The following NLRP11 variants were observed in gnomAD, a reference collection of about 807,000 sequenced individuals.
NLRP11 encodes NLR family pyrin domain containing 11, also known as NACHT, LRR and PYD domains-containing protein 11.
Under a neutral mutation model 79.3 loss-of-function variants are expected in NLRP11, and 53 were observed. The observed-to-expected ratio is 0.67, with a 90% confidence interval of 0.54 to 0.84. The LOEUF is 0.84. Ranked by LOEUF, NLRP11 falls within the 40% of genes least tolerant of loss-of-function variation. The pLI is 0.00. For synonymous variants in NLRP11, 518 were observed against 462.6 expected, an observed-to-expected ratio of 1.12 and a Z score of -1.54; for missense variants, 1,264 against 1,255.0, an observed-to-expected ratio of 1.01 and a Z score of -0.11.
At position 55,808,029 on chromosome 19, in the gene NLRP11, A is replaced by C. The variant is rs1020962371; in HGVS notation, c.1842-15T>G. 7.0e-6 allele frequency: 11 copies of C among 1,561,336 alleles called. No individual in the cohort carries two copies. Among genetic ancestry groups the C allele is most frequent in the Admixed American group, 6.1e-5 (3 of 49,398 alleles). On this transcript the variant is annotated splice_polypyrimidine_tract_variant and intron_variant, in intron 3 of 9. Transcript: ENST00000589093. ...TCTTCATTTGACTACATAGAAGAAA[A>C]ATTGAGTTTTCCAATGGAATCGATT...
At position 55,809,191 on chromosome 19, in the gene NLRP11, T is replaced by C; in HGVS notation, c.1419A>G (p.Ser473=). 1.2e-6 allele frequency: 2 copies of C among 1,613,574 alleles called. No homozygotes were observed. Among genetic ancestry groups the C allele is most frequent in the Non-Finnish European group, 1.7e-6 (2 of 1,179,476 alleles). ...TCTTCTCTTTATACTCTCTGCTGCC[T>C]GAGGGGATCAGATAGTTGGGTACTG... is the stretch of plus-strand genomic sequence containing the variant. Residue 473 remains serine, a synonymous_variant, in exon 3 of 10, where the codon TCA becomes TCG. Coordinates refer to ENST00000589093, the Ensembl canonical transcript of NLRP11. The surrounding 1 kb of genome is among the most constrained non-coding windows in gnomAD (Gnocchi z 4.5).
chr19:55,812,596 G>GT (rs1324793165), intron 2 of NLRP11, among the ~76,000 whole-genome samples: 7 of 152,184 alleles, frequency 4.6e-5, no homozygotes, highest in Non-Finnish European at 8.8e-5. Flanking sequence ...CAAACGGTAA[G>GT]TGTGGGTGAA....
intron 4 of NLRP11, among the ~76,000 whole-genome samples, chr19:55,805,695 A>G (rs890596729): frequency 3.3e-5 from 5 of 151,916 alleles, no homozygotes; most frequent in Non-Finnish European, 7.4e-5. Flanking sequence ...GCATGCCGCC[A>G]CACCCGGCTA....
At chr19:55,833,254 T>C (rs302472), upstream of NLRP11, among the ~76,000 whole-genome samples, 56,611 of 151,994 alleles carry the variant, frequency 0.37, 10,907 homozygotes, top group East Asian at 0.52. Flanking sequence ...ATTATGAAGA[T>C]GTTAATATGC....
At chr19:55,786,933 T>C (rs1319259959) in intron 9 of NLRP11, among the ~76,000 whole-genome samples, 1 of 152,222 alleles carries the variant, frequency 6.6e-6, no homozygotes, top group African/African-American at 2.4e-5. Context: ...TCCATATTTA[T>C]GAAAAAATTA....
chr19:55,815,131 G>T (rs187502412), intron 2 of NLRP11, among the ~76,000 whole-genome samples: 2 of 152,148 alleles, frequency 1.3e-5, no homozygotes, highest in African/African-American at 4.8e-5. Context: ...AAAAATCCTT[G>T]TAATTATGGA....
rs374529395 is a variant in NLRP11 at position 55,792,343 on chromosome 19, G to A, written c.2471C>T (p.Thr824Met). The A allele has an allele frequency of 1.4e-5, 22 of 1,613,954 alleles. No individual in the cohort carries two copies. The highest frequency in any genetic ancestry group is 1.8e-5 in the Non-Finnish European group (21 of 1,179,958). Residue 824 changes from threonine to methionine, a missense_variant, in exon 7 of 10, where the codon ACG becomes ATG. Coordinates refer to ENST00000589093, the Ensembl canonical transcript of NLRP11. ...ACAGGTTGGAAACAGCAAGGGAAAC[G>A]TCACATGCAACACTCCGTAATTTTT...
At chr19:55,790,436 T>C (rs1263064771) in intron 7 of NLRP11, among the ~76,000 whole-genome samples, 2 of 152,188 alleles carry the variant, frequency 1.3e-5, no homozygotes, top group Non-Finnish European at 2.9e-5. Flanking sequence ...GGCGCCTGGG[T>C]GATACAGTTT....
At chr19:55,817,778 C>T (rs1234393119) in intron 2 of NLRP11, 126 bp downstream of exon 2, 14 of 724,162 alleles carry the variant, frequency 1.9e-5, no homozygotes, top group Non-Finnish European at 2.3e-6. Flanking sequence ...AAAGAACTTA[C>T]TCATGTACTC....
intron 9 of NLRP11, 93 bp from the exon 10 acceptor site, chr19:55,785,964 G>T (rs1426558512): frequency 7.5e-7 from 1 of 1,337,672 alleles, no homozygotes; most frequent in South Asian, 1.4e-5. Flanking sequence ...GGCATCCTTT[G>T]GGTATTCTTG....
chr19:55,833,004 G>A (rs1259055847), upstream of NLRP11: 2 of 152,096 alleles, frequency 1.3e-5, no homozygotes, highest in Non-Finnish European at 2.9e-5. Flanking sequence ...TAAATTGTTA[G>A]GATTCAAAGC....
intron 7 of NLRP11, among the ~76,000 whole-genome samples, chr19:55,789,943 T>C (rs979523690): frequency 1.6e-4 from 24 of 152,194 alleles, no homozygotes; most frequent in Non-Finnish European, 3.2e-4. Context: ...CCCCATTATC[T>C]ACTCCTACAA....
chr19:55,821,948 C>A (rs932029777), intron 1 of NLRP11, among the ~76,000 whole-genome samples: 1 of 152,192 alleles, frequency 6.6e-6, no homozygotes, highest in Non-Finnish European at 1.5e-5. Flanking sequence ...TCTTTTCGTG[C>A]TCATATGGTT....
At chr19:55,794,421 T>A (rs1421662307) in intron 6 of NLRP11, among the ~76,000 whole-genome samples, 1 of 152,208 alleles carries the variant, frequency 6.6e-6, no homozygotes, top group Non-Finnish European at 1.5e-5. Context: ...TGACAATTAC[T>A]TACTGGATTT....
chr19:55,810,329 T>A, exon 3 of NLRP11: 1 of 1,608,200 alleles, frequency 6.2e-7, no homozygotes, highest in East Asian at 2.2e-5. Flanking sequence ...TTTGCATGCC[T>A]CCTGATTGCC....
At chr19:55,787,231 A>G (rs1490627247) in intron 9 of NLRP11, among the ~76,000 whole-genome samples, 1 of 152,244 alleles carries the variant, frequency 6.6e-6, no homozygotes, top group Non-Finnish European at 1.5e-5. Flanking sequence ...TACACACGTG[A>G]CAGTGTGAAT....
In NLRP11 at chr19:55,810,148, C is replaced by T. The variant is rs143277549; in HGVS notation, c.462G>A (p.Glu154=). ...TAACAATAGTTTTTCCAGATGCTCT[C>T]TCTCCCATCAGGAACACATTGAGAT... The change falls in exon 3 of 10, where the codon GAG becomes GAA. Residue 154 remains glutamate, a synonymous_variant. Transcript: ENST00000589093. The T allele has an allele frequency of 7.6e-4, 1,223 of 1,613,936 alleles. 15 individuals are homozygous for T. The South Asian group carries it at 0.012, about 16-fold the overall frequency.
chr19:55,803,432 CA>C (rs765834099), intron 4 of NLRP11, among the ~76,000 whole-genome samples: 19 of 152,124 alleles, frequency 1.2e-4, no homozygotes, highest in Non-Finnish European at 2.6e-4. Context: ...ATACCAAGAA[CA>C]ATTGCAACAA....
intron 2 of NLRP11, among the ~76,000 whole-genome samples, chr19:55,815,526 C>G (rs1015782976): frequency 7.4e-4 from 64 of 86,014 alleles, no homozygotes; most frequent in African/African-American, 4.8e-3. Flanking sequence ...AAGACTCCAT[C>G]TCAAAAAAAA....
Sources: allele counts gnomAD v4.1 joint callset (sites outside exome capture counted in the v4.1 genomes callset), GRCh38; gene constraint gnomAD v4.1.1; non-coding constraint Gnocchi (gnomAD v3.1); transcripts MANE v1.5; gene names NCBI Gene and HGNC (gene_info 2026-07-23, HGNC 2026-07-21).